The following PIP5K1C variants were observed in gnomAD, a reference collection of about 807,000 sequenced individuals.
PIP5K1C encodes the protein phosphatidylinositol-4-phosphate 5-kinase type 1 gamma.
Under a neutral mutation model 80.1 loss-of-function variants are expected in PIP5K1C, and 45 were observed. The ratio of observed to expected loss-of-function variants is 0.56; its 90% CI spans 0.44 to 0.72. The LOEUF is 0.72. Among genes scored for constraint, PIP5K1C ranks in the 30% least tolerant of loss-of-function variants. The probability of loss-of-function intolerance (pLI) is 0.00; values close to 1 mark genes in which losing one functional copy is unlikely to be tolerated. For synonymous variants in PIP5K1C, 498 were observed against 420.1 expected (o/e 1.19, Z -2.27); for missense variants, 753 against 954.6 (o/e 0.79, Z 2.78).
intron 1 of PIP5K1C, among the ~76,000 whole-genome samples, chr19:3,693,166 C>T (rs984697029): frequency 1.3e-5 from 2 of 152,188 alleles, no homozygotes; most frequent in Admixed American, 6.5e-5. Context: ...CCACAGCACA[C>T]GCAGGAAAGC....
intron 5 of PIP5K1C, among the ~76,000 whole-genome samples, chr19:3,657,573 T>C (rs1333277022): frequency 1.3e-5 from 2 of 151,998 alleles, no homozygotes; most frequent in African/African-American, 4.8e-5. Context: ...CCGCCTCCAA[T>C]GCTGCTGTGA....
Position 3,692,093 on chromosome 19 carries a change from C to T in PIP5K1C, c.94+8204G>A, listed in dbSNP as rs56246330. ...CACGTCCCTGTCCCCACTCCCTGGG[C>T]GCCCACCATGGGCAGGGCCGGCTCT... On this transcript the variant is annotated intron_variant, in intron 1 of 17. Coordinates refer to ENST00000335312, the MANE Select transcript of PIP5K1C (RefSeq NM_012398.3). This position sits in a 1 kb window ranked among gnomAD's most constrained non-coding sequence, Gnocchi z 5.2. Among the ~76,000 whole-genome samples the T allele has an allele frequency of 9.2e-5, 14 of 152,340 alleles. No homozygotes were observed. The highest frequency in any genetic ancestry group is 1.2e-4 in the African/African-American group (5 of 41,562).
At chr19:3,635,366 G>A (rs1205594846) in intron 16 of PIP5K1C, among the ~76,000 whole-genome samples, 2 of 152,184 alleles carry the variant, frequency 1.3e-5, no homozygotes, top group Non-Finnish European at 2.9e-5. Context: ...GGCCAATATG[G>A]CGAAACCCTA....
intron 13 of PIP5K1C, 126 bp downstream of exon 13, chr19:3,643,117 T>C: frequency 6.6e-7 from 1 of 1,511,544 alleles, no homozygotes; most frequent in South Asian, 1.1e-5. Flanking sequence ...GCAGTGTATG[T>C]ACATCCACCG....
At chr19:3,664,960 C>A (rs772924448) in intron 2 of PIP5K1C, 46 bp from the exon 3 acceptor site, 4 of 1,453,316 alleles carry the variant, frequency 2.8e-6, no homozygotes, top group Middle Eastern at 3.5e-4. Flanking sequence ...GGAGCACGCC[C>A]ACCGGGACAG....
chr19:3,684,104 C>T (rs988418509), intron 1 of PIP5K1C, among the ~76,000 whole-genome samples: 12 of 152,168 alleles, frequency 7.9e-5, no homozygotes, highest in African/African-American at 2.9e-4. Flanking sequence ...AGCCTCCTGG[C>T]TGGGAAGTGG....
rs559448637 is a variant in PIP5K1C, at chr19:3,633,001, C to T, written c.*166G>A. 11 of 536,716 alleles carry T rather than the reference C, an allele frequency of 2.0e-5. No homozygotes were observed. The highest frequency in any genetic ancestry group is 6.5e-5 in the East Asian group (2 of 30,830). The allele number at this position is 536,716 out of a possible 1,614,324, so 33.2% of individuals were successfully genotyped here. Reference sequence around the variant, plus strand: ...GGTGCCGGGGCCCTGGGAGGCTTGTCGGGGAGGGGCCCGGCCGTCGGCATC... The same window carrying T: ...GGTGCCGGGGCCCTGGGAGGCTTGTTGGGGAGGGGCCCGGCCGTCGGCATC... On this transcript the variant is annotated 3_prime_UTR_variant, in exon 18 of 18. Transcript: ENST00000335312.
chr19:3,678,535 G>A (rs1230257191), intron 1 of PIP5K1C, among the ~76,000 whole-genome samples: 2 of 122,116 alleles, frequency 1.6e-5, no homozygotes, highest in Admixed American at 7.9e-5. Context: ...GGGATGGATG[G>A]AGGGAGGGAT....
At chr19:3,651,149 C>T (rs548703093) in intron 8 of PIP5K1C, among the ~76,000 whole-genome samples, 18 of 151,734 alleles carry the variant, frequency 1.2e-4, no homozygotes, top group East Asian at 1.9e-4. Flanking sequence ...CCGCCTGCCA[C>T]GCTCACGCCT....
At chr19:3,697,453 G>A (rs902681432) in intron 1 of PIP5K1C, among the ~76,000 whole-genome samples, 17 of 150,542 alleles carry the variant, frequency 1.1e-4, no homozygotes, top group African/African-American at 3.9e-4. Context: ...GAGGAGGACC[G>A]AGCTGGACCG....
intron 11 of PIP5K1C, among the ~76,000 whole-genome samples, chr19:3,645,189 G>A (rs1015214584): frequency 1.3e-5 from 2 of 152,216 alleles, no homozygotes; most frequent in Non-Finnish European, 2.9e-5. Context: ...TGCAACCCCC[G>A]TGGGTGCGGA....
intron 1 of PIP5K1C, among the ~76,000 whole-genome samples, chr19:3,677,782 G>A (rs1391651471): frequency 2.2e-5 from 2 of 90,768 alleles, no homozygotes; most frequent in Non-Finnish European, 2.3e-5. Flanking sequence ...TGGAGGGATG[G>A]AGGGAGGGAT....
Position 3,688,984 on chromosome 19 carries a change from A to G in PIP5K1C, c.94+11313T>C, listed in dbSNP as rs1038349081. Among the ~76,000 whole-genome samples, 2 of 152,104 alleles carry G rather than the reference A, an allele frequency of 1.3e-5. No homozygotes were observed. Among genetic ancestry groups the G allele is most frequent in the Non-Finnish European group, 2.9e-5 (2 of 68,022 alleles). ...GGGGGGGGCTTGGCGCACGCGGCCT[A>G]TGGTCTGTGAGCTCCCTGTGGATAA... On this transcript the variant is annotated intron_variant, in intron 1 of 17. Coordinates refer to ENST00000335312, the MANE Select transcript of PIP5K1C (RefSeq NM_012398.3). This position sits in a 1 kb window ranked among gnomAD's most constrained non-coding sequence, Gnocchi z 5.3.
In PIP5K1C at chr19:3,636,865, T is replaced by G. The variant is rs1334887279; in HGVS notation, c.1920+2019A>C. On this transcript the variant is annotated intron_variant, in intron 16 of 17. Transcript: ENST00000335312. ...GGTCTCTTAGGCTCTCTGGGCCCCT[T>G]GCTTATTGGTCATAATGACAACAGC... 4 of 993,408 alleles carry G rather than the reference T, an allele frequency of 4.0e-6. No homozygotes were observed. The African/African-American group carries it at 7.0e-5, about 17-fold the overall frequency. 61.5% of individuals were successfully genotyped at this position (993,408 alleles called of 1,614,324 possible).
chr19:3,687,407 A>G (rs1466507926), intron 1 of PIP5K1C, among the ~76,000 whole-genome samples: 1 of 151,838 alleles, frequency 6.6e-6, no homozygotes, highest in Non-Finnish European at 1.5e-5. Flanking sequence ...GCAATAAGGA[A>G]TATGTCCCAA....
At position 3,648,718 on chromosome 19, in the gene PIP5K1C, G is replaced by A. The variant is rs1033562490; in HGVS notation, c.1128-10C>T. On this transcript the variant is annotated splice_polypyrimidine_tract_variant and intron_variant, in intron 8 of 17. Coordinates refer to ENST00000335312, the MANE Select transcript of PIP5K1C (RefSeq NM_012398.3). The surrounding 1 kb of genome is among the most constrained non-coding windows in gnomAD (Gnocchi z 4.3). Reference sequence around the variant, plus strand: ...GGGGATCCCGCCCATCCTGGGGAGAGAGGCCGAGGGTACCATCAGCATCCC... The same window carrying A: ...GGGGATCCCGCCCATCCTGGGGAGAAAGGCCGAGGGTACCATCAGCATCCC... 1.9e-6 allele frequency: 3 copies of A among 1,611,404 alleles called. No homozygotes were observed. In the Admixed American group the frequency reaches 5.0e-5, roughly 27 times the overall value.
chr19:3,662,069 C>G lies in PIP5K1C; in HGVS notation c.220-68G>C, dbSNP rs553892038. The G allele has an allele frequency of 2.4e-5, 36 of 1,513,784 alleles. No individual in the cohort carries two copies. The African/African-American group carries it at 3.6e-4, about 15-fold the overall frequency. 93.8% of individuals were successfully genotyped at this position (1,513,784 alleles called of 1,614,324 possible). On this transcript the variant is annotated intron_variant, in intron 3 of 17. Transcript: ENST00000335312. The stretch of plus-strand genomic sequence containing the variant: ...CGCTGCCCTGCACCCCCTGTGTGCA[C>G]CGGGGGGTGGAGATCGTGACCAGCT...
intron 1 of PIP5K1C, among the ~76,000 whole-genome samples, chr19:3,670,346 T>G (rs952071602): frequency 6.6e-6 from 1 of 151,998 alleles, no homozygotes; most frequent in African/African-American, 2.4e-5. Flanking sequence ...GGGTGGGCCC[T>G]GGATCCACCG....
intron 1 of PIP5K1C, among the ~76,000 whole-genome samples, chr19:3,671,755 G>C (rs1205858335): frequency 6.6e-6 from 1 of 152,144 alleles, no homozygotes; most frequent in Non-Finnish European, 1.5e-5. Context: ...CAGGGGGTGG[G>C]GGCAGGTGAG....
Sources: allele counts gnomAD v4.1 joint callset (sites outside exome capture counted in the v4.1 genomes callset), GRCh38; gene constraint gnomAD v4.1.1; non-coding constraint Gnocchi (gnomAD v3.1); transcripts MANE v1.5; gene names NCBI Gene and HGNC (gene_info 2026-07-23, HGNC 2026-07-21).